The following RAB31 variants were observed in gnomAD, a reference collection of about 807,000 sequenced individuals.
The protein encoded by RAB31 is ras-related protein Rab-31.
A neutral mutation model predicts 25.6 loss-of-function variants in RAB31; 21 were observed. That is an observed-to-expected ratio of 0.82 (90% CI 0.58 to 1.18). The LOEUF (loss-of-function observed/expected upper bound fraction) is 1.18, where lower values mean the gene tolerates loss of function less well. Ranked by LOEUF, RAB31 falls within the 50% of genes most tolerant of loss-of-function variation. RAB31 has a pLI of 0.00. For synonymous variants in RAB31, 87 were observed against 84.0 expected (o/e 1.04, Z -0.20); for missense variants, 196 against 250.1 (o/e 0.78, Z 1.46).
At chr18:9,738,027 AC>A (rs1482524492) in intron 1 of RAB31, among the ~76,000 whole-genome samples, 1 of 152,100 alleles carries the variant, frequency 6.6e-6, no homozygotes, top group Non-Finnish European at 1.5e-5. Flanking sequence ...TGGCAACCCC[AC>A]GGGCCTTTAA....
intron 3 of RAB31, among the ~76,000 whole-genome samples, chr18:9,799,353 T>C (rs12455141): frequency 0.4 from 60,708 of 152,146 alleles, 12,253 homozygotes; most frequent in African/African-American, 0.47. Context: ...CTGGTTAATG[T>C]CCTACTTACT....
intron 1 of RAB31, among the ~76,000 whole-genome samples, chr18:9,759,784 C>T (rs1370482270): frequency 6.6e-6 from 1 of 152,046 alleles, no homozygotes; most frequent in Non-Finnish European, 1.5e-5. Flanking sequence ...TTTTGCCTCT[C>T]TATGGTGGTA....
rs2068093223 is a variant in RAB31, at chr18:9,725,704, G to T, written c.39+17260G>T. ...ATTTAATAATTTTATTGAATAATTT[G>T]AACCAGGTTTGAAGCATTTCCGTGG... On this transcript the variant is annotated intron_variant, in intron 1 of 6. Transcript: ENST00000578921. Among the ~76,000 whole-genome samples the T allele has an allele frequency of 5.3e-5, 8 of 152,326 alleles. No individual in the cohort carries two copies. In the South Asian group the frequency reaches 1.7e-3, roughly 32 times the overall value.
At chr18:9,799,842 A>G (rs75675985) in intron 3 of RAB31, among the ~76,000 whole-genome samples, 2,559 of 152,340 alleles carry the variant, frequency 0.017, 66 homozygotes, top group African/African-American at 0.058. Flanking sequence ...GAAGCTTGAC[A>G]TTAGTAAGAT....
chr18:9,737,924 C>T (rs1195715303), intron 1 of RAB31, among the ~76,000 whole-genome samples: 1 of 152,196 alleles, frequency 6.6e-6, no homozygotes, highest in Non-Finnish European at 1.5e-5. Flanking sequence ...AGAGTTTTGT[C>T]TGCCCCCCAC....
At chr18:9,859,204 C>T (rs763432245) in intron 6 of RAB31, 24 bp from the exon 7 acceptor site, 5 of 1,580,088 alleles carry the variant, frequency 3.2e-6, no homozygotes, top group African/African-American at 1.4e-5. Context: ...AGGGAACTCA[C>T]CCTTGGCCTC....
At position 9,859,459 on chromosome 18, in the gene RAB31, C is replaced by T; in HGVS notation, c.*134C>T. 2.9e-6 allele frequency: 2 copies of T among 698,692 alleles called. No homozygotes were observed. Among genetic ancestry groups the T allele is most frequent in the Non-Finnish European group, 4.6e-6 (2 of 431,538 alleles). 43.3% of individuals were successfully genotyped at this position (698,692 alleles called of 1,614,324 possible). A position where few individuals can be genotyped will look rare whatever the true frequency, so the allele number is the denominator to read the frequency against. On this transcript the variant is annotated 3_prime_UTR_variant, in exon 7 of 7. Transcript: ENST00000578921. ...CACACTGGCTTTGCATCCTGGAAGA[C>T]CTGCAGGGGGCGGGGCAGGAAATGT...
chr18:9,781,699 A>G (rs1028316080), intron 2 of RAB31, among the ~76,000 whole-genome samples: 1 of 152,200 alleles, frequency 6.6e-6, no homozygotes, highest in African/African-American at 2.4e-5. Flanking sequence ...TCTTGATATA[A>G]TTTAACTTCT....
chr18:9,779,749 T>C (rs1015020055), intron 2 of RAB31, among the ~76,000 whole-genome samples: 13 of 152,362 alleles, frequency 8.5e-5, no homozygotes, highest in African/African-American at 2.9e-4. Context: ...TAAGCCAAGC[T>C]GGTTGGGTTT....
chr18:9,802,456 C>T (rs1489373700), intron 3 of RAB31, among the ~76,000 whole-genome samples: 2 of 152,206 alleles, frequency 1.3e-5, no homozygotes, highest in East Asian at 1.9e-4. Flanking sequence ...GGAAGGATAG[C>T]TTGAGCCCAG....
chr18:9,840,879 A>G (rs2068729912), intron 5 of RAB31, among the ~76,000 whole-genome samples: 1 of 152,178 alleles, frequency 6.6e-6, no homozygotes, highest in African/African-American at 2.4e-5. Context: ...CTGTACTGTC[A>G]AAGGAAGGAA....
At chr18:9,816,085 C>A (rs1043666217) in intron 5 of RAB31, 1 of 109,868 alleles carries the variant, frequency 9.1e-6, no homozygotes, top group Non-Finnish European at 1.8e-5. Flanking sequence ...TGAGTGTCAT[C>A]CGTGTAGATG....
chr18:9,769,924 T>G (rs1421845230), intron 1 of RAB31, among the ~76,000 whole-genome samples: 1 of 152,254 alleles, frequency 6.6e-6, no homozygotes, highest in Non-Finnish European at 1.5e-5. Flanking sequence ...AGGCCTTTTC[T>G]GCATCTATTG....
intron 1 of RAB31, among the ~76,000 whole-genome samples, chr18:9,772,489 C>G (rs1482971336): frequency 6.6e-6 from 1 of 152,214 alleles, no homozygotes; most frequent in Admixed American, 6.5e-5. Flanking sequence ...TTAAGAACTC[C>G]TGGAGGCCAG....
At chr18:9,857,088 A>G (rs513813) in intron 6 of RAB31, among the ~76,000 whole-genome samples, 17,098 of 152,166 alleles carry the variant, frequency 0.11, 1,034 homozygotes, top group South Asian at 0.18. Flanking sequence ...TGTCCTGCAA[A>G]AGCTCTGTAG....
chr18:9,735,021 G>GTTT (rs1343986138), intron 1 of RAB31: 1 of 190,476 alleles, frequency 5.3e-6, no homozygotes, highest in Non-Finnish European at 1.1e-5. Context: ...CGTTGTTGTT[G>GTTT]TTTTGTTTTT....
chr18:9,848,925 T>C (rs978817539), intron 6 of RAB31, among the ~76,000 whole-genome samples: 2 of 152,200 alleles, frequency 1.3e-5, no homozygotes, highest in African/African-American at 2.4e-5. Flanking sequence ...AAATATGTTA[T>C]CTTTTTAAAG....
intron 1 of RAB31, among the ~76,000 whole-genome samples, chr18:9,755,284 G>A (rs2068255278): frequency 6.6e-6 from 1 of 152,142 alleles, no homozygotes; most frequent in Non-Finnish European, 1.5e-5. Context: ...GTCTGTGACT[G>A]CCTTCTCTTG....
intron 5 of RAB31, among the ~76,000 whole-genome samples, chr18:9,820,573 T>C (rs762210429): frequency 1.6e-4 from 25 of 152,080 alleles, no homozygotes; most frequent in Non-Finnish European, 3.4e-4. Flanking sequence ...TTGTGAAGGA[T>C]TGATGTCATT....
Sources: gnomAD v4.1 joint callset for allele counts (sites outside exome capture counted in the v4.1 genomes callset) on GRCh38, gnomAD v4.1.1 for gene constraint, MANE v1.5 for transcripts, NCBI Gene and HGNC (gene_info 2026-07-23, HGNC 2026-07-21) for gene names.